Variants in ZNF407 observed in about 807,000 individuals in gnomAD.
The protein encoded by ZNF407 is zinc finger protein 407.
ZNF407 carries 17 observed loss-of-function variants against 131.2 expected under a neutral mutation model. That is an observed-to-expected ratio of 0.13 (90% CI 0.09 to 0.19). The LOEUF is 0.19. ZNF407 is among the 10% of genes least tolerant of loss of function. ZNF407 has a pLI of 1.00. For missense variants in ZNF407, 2,681 were observed against 2,830.6 expected, an observed-to-expected ratio of 0.95 and a Z score of 1.20; for synonymous variants, 1,156 against 1,062.0, an observed-to-expected ratio of 1.09 and a Z score of -1.72.
At position 75,065,460 on chromosome 18, in the gene ZNF407, A is replaced by C. The variant is rs1383946567; in HGVS notation, c.*992A>C. 1 of 151,980 alleles carries C rather than the reference A, an allele frequency of 6.6e-6. No individual in the cohort carries two copies. Among genetic ancestry groups the C allele is most frequent in the Non-Finnish European group, 1.5e-5 (1 of 67,972 alleles). 9.4% of individuals were successfully genotyped at this position (151,980 alleles called of 1,614,324 possible). On this transcript the variant is annotated 3_prime_UTR_variant, in exon 9 of 9. Transcript: ENST00000299687. ...ATGGTCTGTGTTTCCTTGTGGATTC[A>C]CCTGTGGCCCTGCTGTGGCCACCAG...
chr18:74,881,154 A>G (rs1971232624), intron 6 of ZNF407, 35 bp downstream of exon 6: 1 of 1,535,916 alleles, frequency 6.5e-7, no homozygotes, highest in Non-Finnish European at 8.8e-7. Context: ...CCTTCTCTGC[A>G]GAGAGGACGG....
intron 8 of ZNF407, among the ~76,000 whole-genome samples, chr18:74,934,490 C>G (rs1972017052): frequency 6.6e-6 from 1 of 152,238 alleles, no homozygotes; most frequent in East Asian, 1.9e-4. Flanking sequence ...AATCCTTTTG[C>G]ATCTTGGAGT....
At chr18:74,933,628 A>G (rs922322092) in intron 8 of ZNF407, among the ~76,000 whole-genome samples, 2 of 152,182 alleles carry the variant, frequency 1.3e-5, no homozygotes, top group Non-Finnish European at 2.9e-5. Context: ...TCTGTCTTCC[A>G]CACTTACCCA....
chr18:74,636,900 G>C (rs1346680126), intron 2 of ZNF407, among the ~76,000 whole-genome samples: 1 of 152,180 alleles, frequency 6.6e-6, no homozygotes, highest in Non-Finnish European at 1.5e-5. Context: ...CTTTCTTTCT[G>C]AAACGATACA....
At chr18:74,692,091 C>T (rs1967236656) in intron 3 of ZNF407, among the ~76,000 whole-genome samples, 2 of 151,836 alleles carry the variant, frequency 1.3e-5, no homozygotes, top group South Asian at 4.2e-4. Context: ...AAGACTCTGT[C>T]TCAAAAAAAT....
intron 4 of ZNF407, among the ~76,000 whole-genome samples, chr18:74,860,390 C>T (rs894245095): frequency 2.0e-5 from 3 of 152,000 alleles, no homozygotes; most frequent in African/African-American, 7.2e-5. Flanking sequence ...ATGAAAATCA[C>T]ATGCCTATAT....
At chr18:75,047,664 C>G (rs1973451263) in intron 8 of ZNF407, among the ~76,000 whole-genome samples, 1 of 152,220 alleles carries the variant, frequency 6.6e-6, no homozygotes, top group African/African-American at 2.4e-5. Flanking sequence ...CCTTGGCACT[C>G]TGTAAATTAA....
intron 4 of ZNF407, among the ~76,000 whole-genome samples, chr18:74,797,544 C>T (rs1482184491): frequency 6.6e-6 from 1 of 152,242 alleles, no homozygotes; most frequent in Non-Finnish European, 1.5e-5. Context: ...GCAGGCTAGC[C>T]TGCTGCAGAA....
intron 3 of ZNF407, among the ~76,000 whole-genome samples, chr18:74,728,014 C>T (rs1272194998): frequency 6.6e-6 from 1 of 152,076 alleles, no homozygotes; most frequent in African/African-American, 2.4e-5. Context: ...CCTACCGCAG[C>T]CTTCCTCATC....
intron 3 of ZNF407, among the ~76,000 whole-genome samples, chr18:74,680,400 TAA>T (rs11404762): frequency 5.1e-5 from 7 of 137,582 alleles, no homozygotes; most frequent in Non-Finnish European, 6.2e-5. Context: ...GACCTTGCCT[TAA>T]AAAAAAAAAA....
intron 4 of ZNF407, among the ~76,000 whole-genome samples, chr18:74,803,701 C>T (rs184378906): frequency 6.6e-6 from 1 of 152,260 alleles, no homozygotes; most frequent in East Asian, 1.9e-4. Flanking sequence ...ATTCTGATTG[C>T]GCATGAAAGA....
At chr18:74,698,646 A>G (rs1967417919) in intron 3 of ZNF407, among the ~76,000 whole-genome samples, 1 of 152,222 alleles carries the variant, frequency 6.6e-6, no homozygotes, top group Non-Finnish European at 1.5e-5. Flanking sequence ...CTCAGCATAC[A>G]AAGAACAAAA....
intron 8 of ZNF407, among the ~76,000 whole-genome samples, chr18:74,925,121 T>C (rs1161822392): frequency 6.6e-6 from 1 of 152,214 alleles, no homozygotes. Context: ...TTAATTTCCT[T>C]TATTTTTCTA....
At chr18:74,612,134 A>T (rs536090594) in intron 1 of ZNF407, among the ~76,000 whole-genome samples, 38 of 152,330 alleles carry the variant, frequency 2.5e-4, no homozygotes, top group African/African-American at 8.7e-4. Context: ...GAAAAAAGCT[A>T]CTTGTAGAAG....
At chr18:74,808,594 T>C (rs977703322) in intron 4 of ZNF407, among the ~76,000 whole-genome samples, 1 of 152,220 alleles carries the variant, frequency 6.6e-6, no homozygotes, top group African/African-American at 2.4e-5. Context: ...TAAATGTTAC[T>C]GAGATACTAT....
chr18:74,818,493 T>C (rs572685413), intron 4 of ZNF407, among the ~76,000 whole-genome samples: 1 of 152,364 alleles, frequency 6.6e-6, no homozygotes, highest in African/African-American at 2.4e-5. Context: ...AGTTTGATTT[T>C]TTGCACATGC....
intron 3 of ZNF407, among the ~76,000 whole-genome samples, chr18:74,702,401 A>G (rs1245768862): frequency 6.6e-6 from 1 of 152,190 alleles, no homozygotes; most frequent in Non-Finnish European, 1.5e-5. Context: ...TGACATTTAT[A>G]AAGTGAGATA....
chr18:74,891,220 A>G (rs1971380473), intron 7 of ZNF407, among the ~76,000 whole-genome samples: 1 of 152,190 alleles, frequency 6.6e-6, no homozygotes, highest in Non-Finnish European at 1.5e-5. Context: ...GGGACCCCAC[A>G]TAGTTTGCAG....
At chr18:74,896,643 C>T (rs576183870) in intron 7 of ZNF407, among the ~76,000 whole-genome samples, 104 of 152,264 alleles carry the variant, frequency 6.8e-4, no homozygotes, top group Non-Finnish European at 1.3e-3. Flanking sequence ...TCCTGGCAAG[C>T]ATAAAGATTG....
Sources: allele counts gnomAD v4.1 joint callset (sites outside exome capture counted in the v4.1 genomes callset), GRCh38; gene constraint gnomAD v4.1.1; transcripts MANE v1.5; gene names NCBI Gene and HGNC (gene_info 2026-07-23, HGNC 2026-07-21).